Variants in BAIAP2L1 observed in about 807,000 individuals in gnomAD.
The protein encoded by BAIAP2L1 is BAR/IMD domain containing adaptor protein 2 like 1.
Under a neutral mutation model 66.3 loss-of-function variants are expected in BAIAP2L1, and 35 were observed. The ratio of observed to expected loss-of-function variants is 0.53; its 90% CI spans 0.40 to 0.70. BAIAP2L1 has a LOEUF of 0.70. Ranked by LOEUF, BAIAP2L1 falls within the 30% of genes least tolerant of loss-of-function variation. BAIAP2L1 has a pLI of 0.00. For missense variants in BAIAP2L1, 622 were observed against 656.9 expected (o/e 0.95, Z 0.58); for synonymous variants, 269 against 248.7 (o/e 1.08, Z -0.77).
At chr7:98,352,931 GT>G (rs1802031798) in intron 3 of BAIAP2L1, among the ~76,000 whole-genome samples, 1 of 151,978 alleles carries the variant, frequency 6.6e-6, no homozygotes, top group Non-Finnish European at 1.5e-5. Flanking sequence ...GGTCACACAT[GT>G]TTTCTTTCTG....
At chr7:98,344,225 G>A (rs1023805525) in intron 3 of BAIAP2L1, among the ~76,000 whole-genome samples, 1 of 152,112 alleles carries the variant, frequency 6.6e-6, no homozygotes, top group African/African-American at 2.4e-5. Flanking sequence ...GGTCATCCCT[G>A]GCTGTAGTTT....
At chr7:98,339,030 A>T (rs1171068105) in intron 3 of BAIAP2L1, among the ~76,000 whole-genome samples, 1 of 150,672 alleles carries the variant, frequency 6.6e-6, no homozygotes, top group Admixed American at 6.7e-5. Flanking sequence ...GTGAGACTGT[A>T]CCATTGCACT....
chr7:98,357,232 AT>A (rs1019954596), intron 2 of BAIAP2L1, among the ~76,000 whole-genome samples: 1 of 148,790 alleles, frequency 6.7e-6, no homozygotes, highest in Non-Finnish European at 1.5e-5. Flanking sequence ...ACAGTAGTAT[AT>A]TTTTTCTGGC....
intron 1 of BAIAP2L1, among the ~76,000 whole-genome samples, chr7:98,364,018 C>CT (rs34058753): frequency 0.36 from 53,115 of 149,460 alleles, 10,197 homozygotes; most frequent in Middle Eastern, 0.48. Context: ...TTTGAATATT[C>CT]TTTTTTTTTT....
At chr7:98,317,435 A>G in intron 5 of BAIAP2L1, 79 bp from the exon 6 acceptor site, 8 of 1,555,856 alleles carry the variant, frequency 5.1e-6, no homozygotes, top group Non-Finnish European at 7.0e-6. Context: ...TCACACTTCC[A>G]CTGTGTGTGG....
intron 1 of BAIAP2L1, among the ~76,000 whole-genome samples, chr7:98,365,493 T>TG (rs1252035785): frequency 6.6e-6 from 1 of 152,224 alleles, no homozygotes; most frequent in African/African-American, 2.4e-5. Flanking sequence ...GTTTTTGAGA[T>TG]GGAGTTTCAC....
chr7:98,310,874 T>C (rs1985594), intron 8 of BAIAP2L1, among the ~76,000 whole-genome samples: 133,374 of 151,722 alleles, frequency 0.88, 58,906 homozygotes, highest in East Asian at 0.96. Context: ...TTAGTAGAGA[T>C]GAGGTTTCAC....
intron 5 of BAIAP2L1, 151 bp downstream of exon 5, chr7:98,319,907 A>T: frequency 2.8e-6 from 2 of 713,962 alleles, no homozygotes; most frequent in Non-Finnish European, 4.9e-6. Context: ...CACAGCCCAA[A>T]GAGAGCTTGT....
intron 3 of BAIAP2L1, among the ~76,000 whole-genome samples, chr7:98,350,439 C>T (rs1221136077): frequency 1.3e-5 from 2 of 152,060 alleles, no homozygotes; most frequent in East Asian, 3.9e-4. Flanking sequence ...GGGCAGATCA[C>T]GAGGTCAAGA....
At chr7:98,379,676 G>A (rs1802712458) in intron 1 of BAIAP2L1, among the ~76,000 whole-genome samples, 1 of 152,128 alleles carries the variant, frequency 6.6e-6, no homozygotes, top group Non-Finnish European at 1.5e-5. Context: ...CAACCCACAT[G>A]TCCATCAACT....
chr7:98,331,053 G>T (rs1353898520), intron 3 of BAIAP2L1, among the ~76,000 whole-genome samples: 1 of 152,080 alleles, frequency 6.6e-6, no homozygotes, highest in East Asian at 1.9e-4. Flanking sequence ...GATTCAAAAA[G>T]AAATACTAGA....
intron 3 of BAIAP2L1, among the ~76,000 whole-genome samples, chr7:98,341,833 C>T (rs1419815873): frequency 1.3e-5 from 2 of 152,050 alleles, no homozygotes; most frequent in Admixed American, 1.3e-4. Flanking sequence ...TGTTTCTTTG[C>T]TATTTTTGTG....
At chr7:98,338,763 C>T (rs1479093287) in intron 3 of BAIAP2L1, among the ~76,000 whole-genome samples, 1 of 152,088 alleles carries the variant, frequency 6.6e-6, no homozygotes, top group Non-Finnish European at 1.5e-5. Context: ...TTGTGCTGCT[C>T]TGAACATTTG....
At chr7:98,346,824 T>C (rs192242638) in intron 3 of BAIAP2L1, among the ~76,000 whole-genome samples, 2 of 152,142 alleles carry the variant, frequency 1.3e-5, no homozygotes, top group South Asian at 2.1e-4. Context: ...GAGTCAAACG[T>C]AGATGGAATT....
At chr7:98,368,617 G>A (rs1026722597) in intron 1 of BAIAP2L1, among the ~76,000 whole-genome samples, 4 of 152,024 alleles carry the variant, frequency 2.6e-5, no homozygotes, top group Non-Finnish European at 5.9e-5. Context: ...TTTGAACCTA[G>A]GAGGCGGAGG....
chr7:98,294,718 A>C (rs1024978078), intron 12 of BAIAP2L1, among the ~76,000 whole-genome samples: 2 of 152,222 alleles, frequency 1.3e-5, no homozygotes, highest in Non-Finnish European at 2.9e-5. Flanking sequence ...TGACTCCTGA[A>C]GCATGACAAA....
intron 3 of BAIAP2L1, among the ~76,000 whole-genome samples, chr7:98,351,529 A>G (rs1043156777): frequency 3.3e-5 from 5 of 152,104 alleles, no homozygotes; most frequent in African/African-American, 9.7e-5. Flanking sequence ...GGTTGTCAGC[A>G]CACCTGAGAA....
intron 6 of BAIAP2L1, among the ~76,000 whole-genome samples, chr7:98,316,987 C>CT (rs34785619): frequency 0.79 from 120,344 of 151,778 alleles, 47,865 homozygotes; most frequent in Non-Finnish European, 0.82. Context: ...CCTCAGCCTC[C>CT]GAGTAGCTGT....
At chr7:98,360,541 TG>T (rs1802246679) in intron 2 of BAIAP2L1, among the ~76,000 whole-genome samples, 1 of 151,906 alleles carries the variant, frequency 6.6e-6, no homozygotes, top group Non-Finnish European at 1.5e-5. Context: ...AAGAGCCCTT[TG>T]GGGAGAAGCC....
Sources: gnomAD v4.1 joint callset for allele counts (sites outside exome capture counted in the v4.1 genomes callset) on GRCh38, gnomAD v4.1.1 for gene constraint, MANE v1.5 for transcripts, NCBI Gene and HGNC (gene_info 2026-07-23, HGNC 2026-07-21) for gene names.